The following TTC36 variants were observed in gnomAD, a reference collection of about 807,000 sequenced individuals.
TTC36 encodes tetratricopeptide repeat protein 36.
TTC36 carries 15 observed loss-of-function variants against 17.5 expected under a neutral mutation model. The ratio of observed to expected loss-of-function variants is 0.86; its 90% CI spans 0.57 to 1.32. The LOEUF is 1.32. Ranked by LOEUF, TTC36 falls within the 40% of genes most tolerant of loss-of-function variation. The probability of loss-of-function intolerance (pLI) is 0.00; values close to 1 mark genes in which losing one functional copy is unlikely to be tolerated. For missense variants in TTC36, 292 were observed against 260.9 expected, an observed-to-expected ratio of 1.12 and a Z score of -0.82; for synonymous variants, 112 against 109.8, an observed-to-expected ratio of 1.02 and a Z score of -0.13.
chr11:118,530,752 C>A lies in TTC36; in HGVS notation c.406C>A (p.Gln136Lys). 1 of 1,504,316 alleles carries A rather than the reference C, an allele frequency of 6.6e-7. No homozygotes were observed. Among genetic ancestry groups the A allele is most frequent in the Non-Finnish European group, 8.8e-7 (1 of 1,135,830 alleles). 93.2% of individuals were successfully genotyped at this position (1,504,316 alleles called of 1,614,324 possible). A position where few individuals can be genotyped will look rare whatever the true frequency, so the allele number is the denominator to read the frequency against. The change falls in exon 3 of 3, where the codon CAG becomes AAG. Residue 136 changes from glutamine (Q) to lysine (K), a missense_variant. By Grantham distance (53) the Gln-to-Lys change is moderately conservative. Transcript: ENST00000302783. This position sits in a 1 kb window ranked among gnomAD's most constrained non-coding sequence, Gnocchi z 5.8. ...FVQRGLLARLQGRDDDARRDF... is the reference protein window; with the variant it reads ...FVQRGLLARLKGRDDDARRDF... ...GCAGCGCGGACTCCTGGCGCGGCTG[C>A]AGGGCCGAGACGACGACGCCCGCAG...
chr11:118,527,965 T>G (rs1555056208), intron 1 of TTC36: 1 of 468,118 alleles, frequency 2.1e-6, no homozygotes, highest in South Asian at 1.5e-5. Flanking sequence ...AGGCAGGGCA[T>G]GGTTGCTCAG....
rs1951130678 is a variant in TTC36 at position 118,528,609 on chromosome 11, T to C, written c.125T>C (p.Val42Ala). The change falls in exon 2 of 3, where the codon GTT becomes GCT. Residue 42 changes from valine (V) to alanine (A), a missense_variant. Transcript: ENST00000302783. ...AEKEEREEDE[V>A]FPQAQLEQSK... is the part of the protein sequence containing the mutation. Reference sequence around the variant, plus strand: ...GGCTCCTTCCCTGGCCCAGATGAAGTTTTCCCTCAAGCACAGCTGGAACAG... The same window carrying C: ...GGCTCCTTCCCTGGCCCAGATGAAGCTTTCCCTCAAGCACAGCTGGAACAG... 1 of 1,561,226 alleles carries C rather than the reference T, an allele frequency of 6.4e-7. No homozygotes were observed. Among genetic ancestry groups the C allele is most frequent in the South Asian group, 1.2e-5 (1 of 82,822 alleles).
rs1207170033 is a variant in TTC36 at position 118,528,730 on chromosome 11, TGA to T, written c.250_251del (p.Arg84GlyfsTer103). ...RFGQAICLLP[E>X]RASAYNNRAQ... is the part of the protein sequence containing the mutation. ...TTGGCCAAGCCATCTGCCTGCTGCC[TGA>T]GAGGGCTTCAGCCTACAACAACCGT... On this transcript the variant is annotated frameshift_variant, in exon 2 of 3. Coordinates refer to ENST00000302783, the MANE Select transcript of TTC36 (RefSeq NM_001080441.4). LOFTEE classifies it high-confidence loss of function. 6.2e-7 allele frequency: 1 copy of T among 1,613,098 alleles called. No individual in the cohort carries two copies. Among genetic ancestry groups the T allele is most frequent in the African/African-American group, 1.3e-5 (1 of 74,910 alleles).
chr11:118,527,720 A>G (rs1951110876), intron 1 of TTC36, 108 bp downstream of exon 1: 5 of 816,356 alleles, frequency 6.1e-6, no homozygotes, highest in Non-Finnish European at 1.1e-5. Flanking sequence ...CATGATTATG[A>G]TTGAGATTGG....
chr11:118,530,581 G>A lies in TTC36; in HGVS notation c.308-73G>A, dbSNP rs1424697011. The A allele has an allele frequency of 7.4e-6, 10 of 1,345,154 alleles. No homozygotes were observed. Among genetic ancestry groups the A allele is most frequent in the Non-Finnish European group, 9.5e-6 (10 of 1,057,374 alleles). The allele number at this position is 1,345,154 out of a possible 1,614,324, so 83.3% of individuals were successfully genotyped here. A position where few individuals can be genotyped will look rare whatever the true frequency, so the allele number is the denominator to read the frequency against. ...ACCACGGTGATCCGCGCGGCCGCAG[G>A]TGGGCTGGGGCTCGGGCAAGGCCGC... On this transcript the variant is annotated intron_variant, in intron 2 of 2. Transcript: ENST00000302783. This position sits in a 1 kb window ranked among gnomAD's most constrained non-coding sequence, Gnocchi z 5.8.
chr11:118,529,877 A>G (rs1210935207), intron 2 of TTC36, among the ~76,000 whole-genome samples: 1 of 152,220 alleles, frequency 6.6e-6, no homozygotes, highest in Non-Finnish European at 1.5e-5. Flanking sequence ...ACTAGAGAAC[A>G]TGAGTGAATT....
At chr11:118,527,790 C>T (rs1951111838) in intron 1 of TTC36, 178 bp downstream of exon 1, 1 of 680,082 alleles carries the variant, frequency 1.5e-6, no homozygotes, top group Admixed American at 2.0e-5. Flanking sequence ...AGATGTCCTG[C>T]CAAGAGGAGT....
Position 118,530,680 on chromosome 11 carries a change from G to T in TTC36, c.334G>T (p.Val112Leu), listed in dbSNP as rs782066530. The stretch of plus-strand genomic sequence containing the variant: ...CGCCCTGGAGGATCTGGAACGCGCG[G>T]TGGAGCTGAGCGGCGGCCGGGGCCG... Reference protein sequence around the residue: ...AGALEDLERAVELSGGRGRAA... With the variant: ...AGALEDLERALELSGGRGRAA... Residue 112 changes from valine to leucine, a missense_variant, in exon 3 of 3, where the codon GTG becomes TTG. Physicochemically the swap from Val to Leu is conservative, Grantham distance 32. Coordinates refer to ENST00000302783, the MANE Select transcript of TTC36 (RefSeq NM_001080441.4). The surrounding 1 kb of genome is among the most constrained non-coding windows in gnomAD (Gnocchi z 5.8). 1.4e-6 allele frequency: 2 copies of T among 1,474,552 alleles called. No homozygotes were observed. Among genetic ancestry groups the T allele is most frequent in the South Asian group, 2.6e-5 (2 of 77,628 alleles). 91.3% of individuals were successfully genotyped at this position (1,474,552 alleles called of 1,614,324 possible).
chr11:118,528,807 C>CAG lies in TTC36; in HGVS notation c.307+16_307+17insAG. ...GACGTGGCAGGTAAGGGGAGATGCC[C>CAG]TGTATCCTCTGCAAAAGGGCCCACG... On this transcript the variant is annotated intron_variant, in intron 2 of 2. Transcript: ENST00000302783. 6.3e-7 allele frequency: 1 copy of CAG among 1,580,750 alleles called. No homozygotes were observed. The highest frequency in any genetic ancestry group is 8.6e-7 in the Non-Finnish European group (1 of 1,161,030).
In TTC36 at chr11:118,530,700, G is replaced by A. The variant is rs1397065143; in HGVS notation, c.354G>A (p.Arg118=). The part of the protein sequence containing the change: ...LERAVELSGG[R]GRAARQSFVQ... Reference sequence around the variant, plus strand: ...GCGCGGTGGAGCTGAGCGGCGGCCGGGGCCGCGCCGCCCGCCAGAGCTTTG... The same window carrying A: ...GCGCGGTGGAGCTGAGCGGCGGCCGAGGCCGCGCCGCCCGCCAGAGCTTTG... The change falls in exon 3 of 3, where the codon CGG becomes CGA. Residue 118 remains arginine, a synonymous_variant. Transcript: ENST00000302783. This position sits in a 1 kb window ranked among gnomAD's most constrained non-coding sequence, Gnocchi z 5.8. The A allele has an allele frequency of 2.7e-6, 4 of 1,479,020 alleles. No homozygotes were observed. The highest frequency in any genetic ancestry group is 2.7e-6 in the Non-Finnish European group (3 of 1,123,952). The allele number at this position is 1,479,020 out of a possible 1,614,324, so 91.6% of individuals were successfully genotyped here.
At position 118,528,737 on chromosome 11, in the gene TTC36, G is replaced by T. The variant is rs1951136745; in HGVS notation, c.253G>T (p.Ala85Ser). The T allele has an allele frequency of 6.2e-7, 1 of 1,612,940 alleles. No homozygotes were observed. Among genetic ancestry groups the T allele is most frequent in the Non-Finnish European group, 8.5e-7 (1 of 1,179,710 alleles). ...GQAICLLPER[A>S]SAYNNRAQAR... ...AGCCATCTGCCTGCTGCCTGAGAGG[G>T]CTTCAGCCTACAACAACCGTGCCCA... Residue 85 changes from alanine to serine, a missense_variant, in exon 2 of 3, where the codon GCT becomes TCT. Ala to Ser is a moderately conservative substitution (Grantham distance 99, BLOSUM62 1). Transcript: ENST00000302783.
At chr11:118,528,259 G>C (rs569294994) in intron 1 of TTC36, among the ~76,000 whole-genome samples, 1 of 152,334 alleles carries the variant, frequency 6.6e-6, no homozygotes, top group South Asian at 2.1e-4. Flanking sequence ...ACAGGAGCCA[G>C]AATGACCTGG....
chr11:118,530,519 G>C lies in TTC36; in HGVS notation c.308-135G>C. ...CGATCCGTACCTCTAGCAGGTGCGA[G>C]GCGGGTTGTAAATGGCCACGCCCGG... On this transcript the variant is annotated intron_variant, in intron 2 of 2. Coordinates refer to ENST00000302783, the MANE Select transcript of TTC36 (RefSeq NM_001080441.4). The surrounding 1 kb of genome is among the most constrained non-coding windows in gnomAD (Gnocchi z 5.8). 1 of 1,006,972 alleles carries C rather than the reference G, an allele frequency of 9.9e-7. No homozygotes were observed. The highest frequency in any genetic ancestry group is 1.3e-6 in the Non-Finnish European group (1 of 753,854). The allele number at this position is 1,006,972 out of a possible 1,614,324, so 62.4% of individuals were successfully genotyped here. A position where few individuals can be genotyped will look rare whatever the true frequency, so the allele number is the denominator to read the frequency against.
chr11:118,530,902 C>T lies in TTC36; in HGVS notation c.556C>T (p.Arg186Cys), dbSNP rs1043912927. 1.7e-5 allele frequency: 26 copies of T among 1,503,072 alleles called. No individual in the cohort carries two copies. The African/African-American group carries it at 3.2e-4, about 18-fold the overall frequency. 93.1% of individuals were successfully genotyped at this position (1,503,072 alleles called of 1,614,324 possible). A position where few individuals can be genotyped will look rare whatever the true frequency, so the allele number is the denominator to read the frequency against. Residue 186 changes from arginine (R) to cysteine (C), a missense_variant, in exon 3 of 3, where the codon CGT becomes TGT. Transcript: ENST00000302783. This position sits in a 1 kb window ranked among gnomAD's most constrained non-coding sequence, Gnocchi z 5.8. ...ADMMGQLRRP[R>C]DSR ...CATGATGGGGCAGCTGCGCCGCCCCCGTGACAGCCGCTGAGCGCCGCGGAC... is the reference window on the plus strand; with the variant it reads ...CATGATGGGGCAGCTGCGCCGCCCCTGTGACAGCCGCTGAGCGCCGCGGAC...
Position 118,530,514 on chromosome 11 carries a change from T to C in TTC36, c.308-140T>C, listed in dbSNP as rs1951193800. On this transcript the variant is annotated intron_variant, in intron 2 of 2. Coordinates refer to ENST00000302783, the MANE Select transcript of TTC36 (RefSeq NM_001080441.4). This position sits in a 1 kb window ranked among gnomAD's most constrained non-coding sequence, Gnocchi z 5.8. ...AATAACGATCCGTACCTCTAGCAGG[T>C]GCGAGGCGGGTTGTAAATGGCCACG... 3 of 943,192 alleles carry C rather than the reference T, an allele frequency of 3.2e-6. No homozygotes were observed. The highest frequency in any genetic ancestry group is 4.3e-6 in the Non-Finnish European group (3 of 695,614). The allele number at this position is 943,192 out of a possible 1,614,324, so 58.4% of individuals were successfully genotyped here.
Position 118,530,733 on chromosome 11 carries a change from C to T in TTC36, c.387C>T (p.Arg129=). 6.7e-7 allele frequency: 1 copy of T among 1,497,572 alleles called. No homozygotes were observed. Among genetic ancestry groups the T allele is most frequent in the Non-Finnish European group, 8.8e-7 (1 of 1,132,350 alleles). 92.8% of individuals were successfully genotyped at this position (1,497,572 alleles called of 1,614,324 possible). The change falls in exon 3 of 3, where the codon CGC becomes CGT. Residue 129 remains arginine (R), a synonymous_variant. Coordinates refer to ENST00000302783, the MANE Select transcript of TTC36 (RefSeq NM_001080441.4). The surrounding 1 kb of genome is among the most constrained non-coding windows in gnomAD (Gnocchi z 5.8). ...CCGCCCGCCAGAGCTTTGTGCAGCG[C>T]GGACTCCTGGCGCGGCTGCAGGGCC... ...GRAARQSFVQ[R]GLLARLQGRD...
At chr11:118,529,397 C>T (rs1205971159) in intron 2 of TTC36, among the ~76,000 whole-genome samples, 2 of 152,208 alleles carry the variant, frequency 1.3e-5, no homozygotes, top group Non-Finnish European at 2.9e-5. Flanking sequence ...GAGGGGTCAG[C>T]GTGGGACCTG....
chr11:118,528,418 G>A (rs1555056351), intron 1 of TTC36, among the ~76,000 whole-genome samples, 185 bp from the exon 2 acceptor site: 2 of 152,130 alleles, frequency 1.3e-5, no homozygotes, highest in Admixed American at 1.3e-4. Flanking sequence ...TTGGAACTCA[G>A]GCAATGCTAG....
In TTC36 at chr11:118,530,963, C is replaced by A; in HGVS notation, c.*47C>A. The A allele has an allele frequency of 1.4e-6, 2 of 1,452,076 alleles. No individual in the cohort carries two copies. The highest frequency in any genetic ancestry group is 1.8e-6 in the Non-Finnish European group (2 of 1,114,968). 89.9% of individuals were successfully genotyped at this position (1,452,076 alleles called of 1,614,324 possible). ...GCGGGCGAGGGGACGGGACTGGGCC[C>A]TGAACCAATAAAGCCGTCGGGCCTC... is the stretch of plus-strand genomic sequence containing the variant. On this transcript the variant is annotated 3_prime_UTR_variant, in exon 3 of 3. Coordinates refer to ENST00000302783, the MANE Select transcript of TTC36 (RefSeq NM_001080441.4). The surrounding 1 kb of genome is among the most constrained non-coding windows in gnomAD (Gnocchi z 5.8).
Sources: gnomAD v4.1 joint callset for allele counts (sites outside exome capture counted in the v4.1 genomes callset) on GRCh38, gnomAD v4.1.1 for gene constraint, Gnocchi (gnomAD v3.1) non-coding constraint, MANE v1.5 for transcripts, NCBI Gene and HGNC (gene_info 2026-07-23, HGNC 2026-07-21) for gene names.